The following TRIM24 variants were observed in gnomAD, a reference collection of about 807,000 sequenced individuals.
The protein encoded by TRIM24 is transcription intermediary factor 1-alpha.
In TRIM24, 29 loss-of-function variants were observed where a neutral mutation model predicts 123.9. The ratio of observed to expected loss-of-function variants is 0.23; its 90% CI spans 0.17 to 0.32. The LOEUF is 0.32. Ranked by LOEUF, TRIM24 falls within the 10% of genes least tolerant of loss-of-function variation. TRIM24 has a pLI of 1.00. For synonymous variants in TRIM24, 456 were observed against 461.1 expected (o/e 0.99, Z 0.14); for missense variants, 932 against 1,295.3 (o/e 0.72, Z 4.31).
In TRIM24 at chr7:138,570,912, C is replaced by T; in HGVS notation, c.1787C>T (p.Ala596Val). 6.2e-7 allele frequency: 1 copy of T among 1,614,154 alleles called. No homozygotes were observed. The highest frequency in any genetic ancestry group is 8.5e-7 in the Non-Finnish European group (1 of 1,180,010). ...STPSSPTITSAAGYDGKAFGS... is the reference protein window; with the variant it reads ...STPSSPTITSVAGYDGKAFGS... ...CCTTCCAGCCCCACGATTACTAGTG[C>T]AGCAGGATATGATGGAAAGGCTTTT... Residue 596 changes from alanine (A) to valine (V), a missense_variant, in exon 11 of 19, where the codon GCA (alanine) becomes GTA (valine). Ala to Val is a moderately conservative substitution (Grantham distance 64). Coordinates refer to ENST00000343526, the MANE Select transcript of TRIM24 (RefSeq NM_015905.3).
intron 1 of TRIM24, among the ~76,000 whole-genome samples, chr7:138,477,828 A>C (rs1244494782): frequency 6.6e-6 from 1 of 152,224 alleles, no homozygotes; most frequent in Non-Finnish European, 1.5e-5. Context: ...TTGGAGCTGG[A>C]TGAAGGACTT....
At chr7:138,474,064 C>T (rs577092122) in intron 1 of TRIM24, among the ~76,000 whole-genome samples, 83 of 152,236 alleles carry the variant, frequency 5.5e-4, no homozygotes, top group Non-Finnish European at 9.0e-4. Flanking sequence ...AGCCATGGCA[C>T]CCAGTTGAGC....
In TRIM24 at chr7:138,579,206, C is replaced by T. The variant is rs767285223; in HGVS notation, c.2259C>T (p.Ala753=). The change falls in exon 15 of 19, where the codon GCC becomes GCT. Residue 753 remains alanine, a splice_region_variant and synonymous_variant. Coordinates refer to ENST00000343526, the MANE Select transcript of TRIM24 (RefSeq NM_015905.3). ...AATATATTTTTTTTCTACTACAGGC[C>T]AATTATCCAAGAAGCATACTCACCT... ...ESDEESRPQN[A]NYPRSILTSL... The T allele has an allele frequency of 1.5e-5, 24 of 1,560,876 alleles. No individual in the cohort carries two copies. The highest frequency in any genetic ancestry group is 2.8e-5 in the African/African-American group (2 of 72,268).
At chr7:138,535,998 T>A (rs1796864003) in intron 6 of TRIM24, among the ~76,000 whole-genome samples, 1 of 152,236 alleles carries the variant, frequency 6.6e-6, no homozygotes, top group Non-Finnish European at 1.5e-5. Context: ...TTTCTTCCAG[T>A]TGATTGAATC....
At chr7:138,577,232 T>C (rs922423762) in intron 13 of TRIM24, among the ~76,000 whole-genome samples, 188 bp from the exon 14 acceptor site, 2 of 152,248 alleles carry the variant, frequency 1.3e-5, no homozygotes, top group African/African-American at 4.8e-5. Context: ...TAGGTTAATA[T>C]GTAAAACATT....
chr7:138,496,063 G>A (rs1286812376), intron 1 of TRIM24, among the ~76,000 whole-genome samples: 1 of 152,036 alleles, frequency 6.6e-6, no homozygotes, highest in Non-Finnish European at 1.5e-5. Context: ...TTTTTGAATT[G>A]TTATTGCTAT....
In TRIM24 at chr7:138,530,464, AT is replaced by A. The variant is rs546681867; in HGVS notation, c.996+1236del. 5.9e-5 allele frequency among the ~76,000 whole-genome samples: 9 copies of A among 152,098 alleles called. No individual in the cohort carries two copies. In the South Asian group the frequency reaches 1.9e-3, roughly 32 times the overall value. On this transcript the variant is annotated intron_variant, in intron 6 of 18. Transcript: ENST00000343526. ...ACTGATGACCAGGTTCATTCTTAAA[AT>A]TAAAAAAAAATTTTTTTTGAGACAG...
Position 138,550,318 on chromosome 7 carries a change from G to GGTGTGTGT in TRIM24, c.1144-725_1144-718dup, listed in dbSNP as rs10548154. Among the ~76,000 whole-genome samples, 242 of 147,572 alleles carry GGTGTGTGT rather than the reference G, an allele frequency of 1.6e-3. 2 individuals carry two copies. Among genetic ancestry groups the GGTGTGTGT allele is most frequent in the South Asian group, 0.015 (71 of 4,620 alleles). On this transcript the variant is annotated intron_variant, in intron 7 of 18. Transcript: ENST00000343526. ...TTGAGTGAGAGAAAGAGGAGTTGAT[G>GGTGTGTGT]GTGTGTGTGTGTGTGTGTGTGTGTG...
rs1797278331 is a variant in TRIM24 at position 138,554,623 on chromosome 7, A to C, written c.1262-75A>C. 3 of 1,519,842 alleles carry C rather than the reference A, an allele frequency of 2.0e-6. No homozygotes were observed. The highest frequency in any genetic ancestry group is 2.5e-5 in the South Asian group (2 of 78,622). The allele number at this position is 1,519,842 out of a possible 1,614,324, so 94.1% of individuals were successfully genotyped here. ...TCTTGGCAATTTTGAAGTTCTGCAA[A>C]AATAGCTTTAGAAAATGTGATATTT... On this transcript the variant is annotated intron_variant, in intron 8 of 18. Coordinates refer to ENST00000343526, the MANE Select transcript of TRIM24 (RefSeq NM_015905.3). This position sits in a 1 kb window ranked among gnomAD's most constrained non-coding sequence, Gnocchi z 4.5.
chr7:138,466,294 C>T (rs1253424783), intron 1 of TRIM24, among the ~76,000 whole-genome samples: 2 of 151,550 alleles, frequency 1.3e-5, no homozygotes, highest in African/African-American at 2.4e-5. Flanking sequence ...TGTGCCTGGC[C>T]TGTCAGTCTG....
At chr7:138,518,172 G>T (rs1377110080) in intron 3 of TRIM24, among the ~76,000 whole-genome samples, 1 of 152,128 alleles carries the variant, frequency 6.6e-6, no homozygotes, top group Non-Finnish European at 1.5e-5. Context: ...ATAAGAATGA[G>T]ATGGATACAT....
chr7:138,540,575 T>G (rs1796982841), intron 7 of TRIM24, among the ~76,000 whole-genome samples: 1 of 152,218 alleles, frequency 6.6e-6, no homozygotes, highest in Non-Finnish European at 1.5e-5. Flanking sequence ...TACTTATTAT[T>G]CCAGTTCTCT....
At chr7:138,490,245 A>G (rs1400755729) in intron 1 of TRIM24, among the ~76,000 whole-genome samples, 1 of 152,084 alleles carries the variant, frequency 6.6e-6, no homozygotes, top group Non-Finnish European at 1.5e-5. Flanking sequence ...CTCGTTAGCC[A>G]TTCGTCTAAT....
chr7:138,491,346 G>T (rs1390339658), intron 1 of TRIM24: 1 of 175,236 alleles, frequency 5.7e-6, no homozygotes, highest in East Asian at 1.6e-4. Flanking sequence ...TAAGGTGCTT[G>T]TTCTTGACAA....
Position 138,583,891 on chromosome 7 carries a change from G to A in TRIM24, c.2835G>A (p.Leu945=), listed in dbSNP as rs747959155. Residue 945 remains leucine, a synonymous_variant, in exon 18 of 19, where the codon TTG becomes TTA. Coordinates refer to ENST00000343526, the MANE Select transcript of TRIM24 (RefSeq NM_015905.3). The part of the protein sequence containing the change: ...YYKIIKNPMD[L]STIKKRLQED... ...AAATAATTAAAAATCCAATGGATTT[G>A]TCAACCATCAAGAAAAGACTACAAG... The A allele has an allele frequency of 1.4e-5, 22 of 1,595,498 alleles. No individual in the cohort carries two copies. Among genetic ancestry groups the A allele is most frequent in the Non-Finnish European group, 1.9e-5 (22 of 1,172,014 alleles).
intron 17 of TRIM24, among the ~76,000 whole-genome samples, chr7:138,582,363 A>C (rs1017007226): frequency 5.9e-5 from 9 of 152,224 alleles, no homozygotes; most frequent in African/African-American, 2.2e-4. Context: ...TAACACGGTG[A>C]AACCCCGTCT....
At chr7:138,565,347 C>G (rs1334628959) in intron 9 of TRIM24, among the ~76,000 whole-genome samples, 1 of 152,168 alleles carries the variant, frequency 6.6e-6, no homozygotes, top group Admixed American at 6.5e-5. Flanking sequence ...GCTCCCCTTC[C>G]ATTCTTATGG....
chr7:138,519,793 T>C (rs1175950704), intron 4 of TRIM24, among the ~76,000 whole-genome samples: 1 of 152,110 alleles, frequency 6.6e-6, no homozygotes, highest in East Asian at 1.9e-4. Context: ...TAGCCCTGGG[T>C]CTGTATACTT....
intron 1 of TRIM24, chr7:138,490,940 A>G (rs1795768047): frequency 2.8e-6 from 1 of 361,922 alleles, no homozygotes; most frequent in Non-Finnish European, 5.2e-6. Flanking sequence ...TGGTTTTTTT[A>G]GTAAAACCAA....
Sources: gnomAD v4.1 joint callset for allele counts (sites outside exome capture counted in the v4.1 genomes callset) on GRCh38, gnomAD v4.1.1 for gene constraint, Gnocchi (gnomAD v3.1) non-coding constraint, MANE v1.5 for transcripts, NCBI Gene and HGNC (gene_info 2026-07-23, HGNC 2026-07-21) for gene names.